Variants in METAP1 observed in about 807,000 individuals in gnomAD.
METAP1 encodes the protein methionine aminopeptidase 1.
A neutral mutation model predicts 53.8 loss-of-function variants in METAP1; 28 were observed. That is an observed-to-expected ratio of 0.52 (90% CI 0.39 to 0.71). The LOEUF (loss-of-function observed/expected upper bound fraction) is 0.71, where lower values mean the gene tolerates loss of function less well. Among genes scored for constraint, METAP1 ranks in the 30% least tolerant of loss-of-function variants. METAP1 has a pLI of 0.00. For synonymous variants in METAP1, 181 were observed against 165.7 expected, an observed-to-expected ratio of 1.09 and a Z score of -0.71; for missense variants, 389 against 479.8, an observed-to-expected ratio of 0.81 and a Z score of 1.77.
chr4:99,028,294 A>G (rs78036556), intron 1 of METAP1, among the ~76,000 whole-genome samples: 1,875 of 152,266 alleles, frequency 0.012, 40 homozygotes, highest in African/African-American at 0.043. Flanking sequence ...AAGTCTTTCT[A>G]GTTACTCATT....
chr4:99,015,536 A>G (rs1434642516), intron 1 of METAP1, among the ~76,000 whole-genome samples: 1 of 152,222 alleles, frequency 6.6e-6, no homozygotes, highest in African/African-American at 2.4e-5. Flanking sequence ...GCCTAAGCTC[A>G]GTACAAACCC....
chr4:99,024,402 C>T (rs1724401402), intron 1 of METAP1, among the ~76,000 whole-genome samples: 1 of 152,140 alleles, frequency 6.6e-6, no homozygotes, highest in Admixed American at 6.5e-5. Flanking sequence ...TGTGGCTCTT[C>T]CTGCTACAAG....
chr4:99,016,020 TG>T (rs1349444498), intron 1 of METAP1, among the ~76,000 whole-genome samples: 1 of 152,124 alleles, frequency 6.6e-6, no homozygotes, highest in Admixed American at 6.5e-5. Context: ...GTCAATAACA[TG>T]AGGTAGGATC....
rs775066290 is a variant in METAP1, at chr4:99,061,292, G to A, written c.1136G>A (p.Arg379Gln). 2.8e-5 allele frequency: 45 copies of A among 1,613,496 alleles called. No individual in the cohort carries two copies. Among genetic ancestry groups the A allele is most frequent in the Non-Finnish European group, 3.6e-5 (42 of 1,179,680 alleles). Residue 379 changes from arginine to glutamine, a missense_variant, in exon 11 of 11, where the codon CGG (arginine) becomes CAG (glutamine). By Grantham distance (43) the Arg-to-Gln change is conservative. Transcript: ENST00000296411. ...CTAACCCGGCGACTTGACAGTGCAC[G>A]GCCTCACTTCATGTCTCAATTTTAA... The part of the protein sequence containing the change: ...EILTRRLDSA[R>Q]PHFMSQF
chr4:99,057,951 TTCAG>T (rs1325571092), intron 10 of METAP1, 133 bp downstream of exon 10: 1 of 720,882 alleles, frequency 1.4e-6, no homozygotes, highest in African/African-American at 1.8e-5. Flanking sequence ...TCAAACTTGA[TTCAG>T]TATCGTGAAG....
intron 9 of METAP1, among the ~76,000 whole-genome samples, chr4:99,056,815 A>C (rs1230203): frequency 0.32 from 48,041 of 151,198 alleles, 10,953 homozygotes; most frequent in East Asian, 0.8. Context: ...GTGATCCACC[A>C]ACCTCGGCCT....
intron 2 of METAP1, among the ~76,000 whole-genome samples, chr4:99,033,579 T>C (rs1725213046): frequency 6.6e-6 from 1 of 152,192 alleles, no homozygotes; most frequent in African/African-American, 2.4e-5. Flanking sequence ...TGTATGGATA[T>C]GATTCTTAAT....
chr4:99,054,752 AG>A (rs1220434299), intron 9 of METAP1, among the ~76,000 whole-genome samples: 5 of 152,280 alleles, frequency 3.3e-5, no homozygotes, highest in Non-Finnish European at 7.4e-5. Flanking sequence ...AGGGCTATTA[AG>A]TGGCCTAATT....
chr4:99,034,687 G>A (rs1230195), intron 3 of METAP1, among the ~76,000 whole-genome samples: 2 of 152,072 alleles, frequency 1.3e-5, no homozygotes, highest in South Asian at 4.1e-4. Context: ...ATATAGTTAC[G>A]AAAATCCACT....
In METAP1 at chr4:99,035,469, T is replaced by C; in HGVS notation, c.340+9T>C. On this transcript the variant is annotated intron_variant, in intron 4 of 10. Coordinates refer to ENST00000296411, the MANE Select transcript of METAP1 (RefSeq NM_015143.3). ...TGCTGATCATCCCTTAGGTAAGCTC[T>C]GCTATGTTGATTCTTCATTTTTCAA... The C allele has an allele frequency of 6.5e-7, 1 of 1,534,494 alleles. No individual in the cohort carries two copies. The highest frequency in any genetic ancestry group is 8.8e-7 in the Non-Finnish European group (1 of 1,131,964).
intron 4 of METAP1, among the ~76,000 whole-genome samples, chr4:99,038,297 C>T (rs982844707): frequency 1.3e-5 from 2 of 151,838 alleles, no homozygotes; most frequent in Admixed American, 6.6e-5. Flanking sequence ...ATTGCATCTG[C>T]TAGTATTGCC....
chr4:99,017,214 CTTT>C (rs1402776365), intron 1 of METAP1, among the ~76,000 whole-genome samples: 2 of 152,190 alleles, frequency 1.3e-5, no homozygotes, highest in Non-Finnish European at 2.9e-5. Flanking sequence ...CATGAGCAAG[CTTT>C]TGGCCTTGGC....
At chr4:99,039,353 C>T (rs769707881) in intron 4 of METAP1, 21 bp from the exon 5 acceptor site, 1 of 1,523,944 alleles carries the variant, frequency 6.6e-7, no homozygotes, top group South Asian at 1.2e-5. Flanking sequence ...TTTGGTTTTA[C>T]TTACCGAATT....
intron 1 of METAP1, among the ~76,000 whole-genome samples, chr4:99,027,338 G>A (rs1417684225): frequency 6.6e-6 from 1 of 152,056 alleles, no homozygotes; most frequent in East Asian, 1.9e-4. Context: ...AAGGAGATGG[G>A]GAAATGTGGA....
chr4:99,021,876 G>A (rs1579267549), intron 1 of METAP1, among the ~76,000 whole-genome samples: 1 of 152,192 alleles, frequency 6.6e-6, no homozygotes, highest in African/African-American at 2.4e-5. Flanking sequence ...GACTCATTTA[G>A]CCTTATCTCA....
At chr4:99,020,039 T>C (rs10016708) in intron 1 of METAP1, among the ~76,000 whole-genome samples, 2,058 of 152,238 alleles carry the variant, frequency 0.014, 40 homozygotes, top group African/African-American at 0.047. Flanking sequence ...TATTATTCCA[T>C]TGTGGGTCCC....
At chr4:99,044,790 G>A (rs900229138) in intron 7 of METAP1, among the ~76,000 whole-genome samples, 1 of 152,188 alleles carries the variant, frequency 6.6e-6, no homozygotes, top group Non-Finnish European at 1.5e-5. Context: ...CCTAGCAGGA[G>A]TAAGGAACTT....
intron 1 of METAP1, among the ~76,000 whole-genome samples, chr4:99,028,617 A>G (rs1030341819): frequency 2.6e-5 from 4 of 152,226 alleles, no homozygotes; most frequent in Admixed American, 1.3e-4. Context: ...AAATTGAAAT[A>G]TAACTGTGAC....
At chr4:99,023,379 A>C (rs1724291919) in intron 1 of METAP1, 1 of 866,792 alleles carries the variant, frequency 1.2e-6, no homozygotes, top group Non-Finnish European at 1.4e-6. Context: ...TTGTCTTTGC[A>C]TATGTGTTTA....
Sources: gnomAD v4.1 joint callset for allele counts (sites outside exome capture counted in the v4.1 genomes callset) on GRCh38, gnomAD v4.1.1 for gene constraint, MANE v1.5 for transcripts, NCBI Gene and HGNC (gene_info 2026-07-23, HGNC 2026-07-21) for gene names.